The following ME2 variants were observed in gnomAD, a reference collection of about 807,000 sequenced individuals.
ME2 encodes malic enzyme 2, also known as NAD-dependent malic enzyme, mitochondrial.
ME2 carries 60 observed loss-of-function variants against 73.7 expected under a neutral mutation model. The ratio of observed to expected loss-of-function variants is 0.81; its 90% CI spans 0.66 to 1.01. The LOEUF (loss-of-function observed/expected upper bound fraction) is 1.01, where lower values mean the gene tolerates loss of function less well. Ranked by LOEUF, ME2 falls within the 50% of genes least tolerant of loss-of-function variation. ME2 has a pLI of 0.00. For missense variants in ME2, 594 were observed against 705.5 expected (o/e 0.84, Z 1.79); for synonymous variants, 199 against 236.9 (o/e 0.84, Z 1.47).
In ME2 at chr18:50,907,361, G is replaced by A. The variant is rs1232591120; in HGVS notation, c.109-702G>A. 4.6e-5 allele frequency among the ~76,000 whole-genome samples: 7 copies of A among 152,216 alleles called. No individual in the cohort carries two copies. The East Asian group carries it at 1.3e-3, about 29-fold the overall frequency. On this transcript the variant is annotated intron_variant, in intron 2 of 15. Transcript: ENST00000321341. ...ATCCAGCCATTTTTCCTGAATAACT[G>A]CTCCCTGATTGCTGCATTTCTTTGG...
rs1599125833 is a variant in ME2 at position 50,939,528 on chromosome 18, T to G, written c.1418-42T>G. ...TATAGGAATTTACTTCTTTCATAAT[T>G]TGAAAAGTGACCATACTAGTAAACT... On this transcript the variant is annotated intron_variant, in intron 13 of 15. Coordinates refer to ENST00000321341, the MANE Select transcript of ME2 (RefSeq NM_002396.5). The G allele has an allele frequency of 2.5e-5, 35 of 1,374,970 alleles. No homozygotes were observed. In the East Asian group the frequency reaches 6.0e-4, roughly 23 times the overall value. 85.2% of individuals were successfully genotyped at this position (1,374,970 alleles called of 1,614,324 possible).
chr18:50,882,592 A>G (rs973653706), intron 1 of ME2, among the ~76,000 whole-genome samples: 1 of 152,116 alleles, frequency 6.6e-6, no homozygotes, highest in Non-Finnish European at 1.5e-5. Context: ...GTGGGGGACA[A>G]TTGGGACCAG....
chr18:50,886,246 ATTT>A (rs34895453), intron 1 of ME2, among the ~76,000 whole-genome samples: 1 of 142,772 alleles, frequency 7.0e-6, no homozygotes, highest in Non-Finnish European at 1.5e-5. Context: ...GGTAAGTTAG[ATTT>A]TTTTTTTTTT....
intron 12 of ME2, among the ~76,000 whole-genome samples, chr18:50,928,379 G>T (rs917306066): frequency 6.6e-6 from 1 of 151,542 alleles, no homozygotes; most frequent in African/African-American, 2.4e-5. Context: ...CCGAGTAGCT[G>T]GGTGCCCGCC....
At chr18:50,896,586 T>C (rs1425417946) in intron 2 of ME2, among the ~76,000 whole-genome samples, 1 of 152,180 alleles carries the variant, frequency 6.6e-6, no homozygotes, top group African/African-American at 2.4e-5. Context: ...TAAGTAAAAG[T>C]TCTGGGAAGA....
intron 1 of ME2, among the ~76,000 whole-genome samples, chr18:50,887,885 A>T (rs1599084210): frequency 6.6e-6 from 1 of 152,246 alleles, no homozygotes; most frequent in East Asian, 1.9e-4. Flanking sequence ...TAAAATAAAT[A>T]TTTAATGAAG....
At chr18:50,909,362 CACAATGTACAGT>C (rs1917093335) in intron 3 of ME2, among the ~76,000 whole-genome samples, 1 of 152,104 alleles carries the variant, frequency 6.6e-6, no homozygotes, top group Non-Finnish European at 1.5e-5. Flanking sequence ...GTCTCTAGAC[CACAATGTACAGT>C]ACAATGAGAA....
intron 1 of ME2, among the ~76,000 whole-genome samples, chr18:50,894,503 G>A (rs1313708705): frequency 6.6e-6 from 1 of 151,108 alleles, no homozygotes; most frequent in African/African-American, 2.4e-5. Context: ...GGGAGGCAGA[G>A]GTTGCAGTGA....
At chr18:50,881,777 A>G (rs995152829) in intron 1 of ME2, among the ~76,000 whole-genome samples, 2 of 152,250 alleles carry the variant, frequency 1.3e-5, no homozygotes, top group African/African-American at 4.8e-5. Flanking sequence ...ACCTTAGTCT[A>G]CAACTACTAA....
intron 4 of ME2, among the ~76,000 whole-genome samples, chr18:50,914,531 TG>T (rs1362529772): frequency 6.6e-6 from 1 of 152,230 alleles, no homozygotes; most frequent in African/African-American, 2.4e-5. Context: ...CATTGTGCTA[TG>T]GGTTTTTTTT....
At chr18:50,932,130 A>T (rs1196514002) in intron 12 of ME2, 128 bp from the exon 13 acceptor site, 1 of 669,290 alleles carries the variant, frequency 1.5e-6, no homozygotes, top group African/African-American at 1.8e-5. Context: ...GTTATATAGT[A>T]TATTATGCCT....
At chr18:50,934,349 A>T (rs1054885367) in intron 13 of ME2, 7 of 152,196 alleles carry the variant, frequency 4.6e-5, no homozygotes, top group African/African-American at 1.4e-4. Flanking sequence ...ATAAATATAG[A>T]CATTAAAAAT....
rs183524672 is a variant in ME2, at chr18:50,895,357, G to A, written c.-12-452G>A. ...ACGTTAAATTTAAACATTAAACATA[G>A]TCCATTAAAATTCTAGGTCTAGATT... On this transcript the variant is annotated intron_variant, in intron 1 of 15. Transcript: ENST00000321341. Among the ~76,000 whole-genome samples the A allele has an allele frequency of 2.3e-3, 346 of 152,216 alleles. 2 individuals are homozygous for A. Among genetic ancestry groups the A allele is most frequent in the African/African-American group, 8.1e-3 (338 of 41,528 alleles).
intron 15 of ME2, among the ~76,000 whole-genome samples, chr18:50,944,261 G>A (rs1440654225): frequency 2.0e-5 from 3 of 152,082 alleles, no homozygotes; most frequent in African/African-American, 7.2e-5. Context: ...CAAATGAGAG[G>A]TAGTACATGA....
chr18:50,893,344 A>G (rs1413413003), intron 1 of ME2, among the ~76,000 whole-genome samples: 2 of 152,210 alleles, frequency 1.3e-5, no homozygotes, highest in African/African-American at 2.4e-5. Flanking sequence ...TTTCTGCTAC[A>G]CTATTACGGC....
In ME2 at chr18:50,953,821, C is replaced by G. The variant is rs1918270788; in HGVS notation, c.*6637C>G. The G allele has an allele frequency of 6.6e-6, 1 of 152,052 alleles. No homozygotes were observed. Among genetic ancestry groups the G allele is most frequent in the Non-Finnish European group, 1.5e-5 (1 of 68,002 alleles). 9.4% of individuals were successfully genotyped at this position (152,052 alleles called of 1,614,324 possible). Reference sequence around the variant, plus strand: ...TGAAATAAGAACTTTCTTAAAAGACCTAGTTTAGCTAAATATATGACAATA... The same window carrying G: ...TGAAATAAGAACTTTCTTAAAAGACGTAGTTTAGCTAAATATATGACAATA... On this transcript the variant is annotated 3_prime_UTR_variant, in exon 16 of 16. Coordinates refer to ENST00000321341, the MANE Select transcript of ME2 (RefSeq NM_002396.5).
chr18:50,941,359 T>TTC (rs1195477158), intron 15 of ME2, among the ~76,000 whole-genome samples: 2 of 26,876 alleles, frequency 7.4e-5, no homozygotes, highest in African/African-American at 1.9e-4. Context: ...GTTTCTTTTT[T>TTC]TTTTTTTTTT....
chr18:50,934,217 A>C (rs561682445), intron 13 of ME2: 1 of 152,316 alleles, frequency 6.6e-6, no homozygotes, highest in African/African-American at 2.4e-5. Context: ...GCTGGGTCGA[A>C]TGGTTGTTCT....
intron 12 of ME2, among the ~76,000 whole-genome samples, chr18:50,930,153 G>C (rs1446776663): frequency 6.6e-6 from 1 of 151,970 alleles, no homozygotes; most frequent in Admixed American, 6.6e-5. Flanking sequence ...TTAGCTACTT[G>C]GGAGGCTGAG....
Sources: gnomAD v4.1 joint callset for allele counts (sites outside exome capture counted in the v4.1 genomes callset) on GRCh38, gnomAD v4.1.1 for gene constraint, MANE v1.5 for transcripts, NCBI Gene and HGNC (gene_info 2026-07-23, HGNC 2026-07-21) for gene names.